DPYD: variants seen among roughly 807,000 people sequenced by gnomAD.
The protein encoded by DPYD is dihydropyrimidine dehydrogenase [NADP(+)].
A neutral mutation model predicts 116.2 loss-of-function variants in DPYD; 109 were observed. The ratio of observed to expected loss-of-function variants is 0.94; its 90% CI spans 0.80 to 1.10. The LOEUF is 1.10. Ranked by LOEUF, DPYD falls within the 50% of genes least tolerant of loss-of-function variation. The pLI is 0.00. For synonymous variants in DPYD, 440 were observed against 432.0 expected, an observed-to-expected ratio of 1.02 and a Z score of -0.23; for missense variants, 1,302 against 1,254.5, an observed-to-expected ratio of 1.04 and a Z score of -0.57.
At chr1:97,392,933 G>T (rs1373626989) in intron 14 of DPYD, among the ~76,000 whole-genome samples, 1 of 151,908 alleles carries the variant, frequency 6.6e-6, no homozygotes, top group African/African-American at 2.4e-5. Flanking sequence ...TTCCTCTCAT[G>T]ATTCACAAAT....
At chr1:97,532,613 G>A (rs1250242357) in intron 12 of DPYD, among the ~76,000 whole-genome samples, 1 of 151,932 alleles carries the variant, frequency 6.6e-6, no homozygotes, top group African/African-American at 2.4e-5. Context: ...TTTATAGGTT[G>A]TATGTTTTTA....
chr1:97,496,590 T>C (rs1416547516), intron 13 of DPYD, among the ~76,000 whole-genome samples: 1 of 152,054 alleles, frequency 6.6e-6, no homozygotes, highest in Non-Finnish European at 1.5e-5. Context: ...AACACCCATT[T>C]TTACGGGGCT....
chr1:97,899,862 A>T (rs551728317), intron 1 of DPYD, among the ~76,000 whole-genome samples: 4 of 151,658 alleles, frequency 2.6e-5, no homozygotes, highest in African/African-American at 9.7e-5. Context: ...AATATCTCAG[A>T]TTTCCCTACA....
intron 3 of DPYD, among the ~76,000 whole-genome samples, chr1:97,756,189 T>A (rs1665222368): frequency 6.6e-6 from 1 of 152,162 alleles, no homozygotes; most frequent in African/African-American, 2.4e-5. Context: ...AAAGAGATCA[T>A]AATAAAATTG....
intron 2 of DPYD, among the ~76,000 whole-genome samples, chr1:97,848,199 G>A (rs1049448302): frequency 1.3e-5 from 2 of 152,138 alleles, no homozygotes; most frequent in Non-Finnish European, 2.9e-5. Flanking sequence ...CCGGGTTCAT[G>A]CCATTCTCCT....
Position 97,123,240 on chromosome 1 carries a change from T to C in DPYD, c.2623-24608A>G, listed in dbSNP as rs558147611. On this transcript the variant is annotated intron_variant, in intron 20 of 22. Transcript: ENST00000370192. ...TTACATAGAAGAAACATATTTACTC[T>C]ATATGTCGGTCAGTACTAAGATATA... 4.3e-4 allele frequency among the ~76,000 whole-genome samples: 65 copies of C among 152,260 alleles called. 1 individual carries two copies. The highest frequency in any genetic ancestry group is 1.4e-3 in the African/African-American group (58 of 41,572).
intron 20 of DPYD, among the ~76,000 whole-genome samples, chr1:97,145,851 C>T (rs1158953590): frequency 6.6e-6 from 1 of 150,656 alleles, no homozygotes; most frequent in Non-Finnish European, 1.5e-5. Context: ...AGTGAATACA[C>T]AGGCCCTGCT....
At chr1:97,626,548 G>A (rs1656941349) in intron 8 of DPYD, among the ~76,000 whole-genome samples, 1 of 151,992 alleles carries the variant, frequency 6.6e-6, no homozygotes, top group South Asian at 2.1e-4. Flanking sequence ...TTCACATTTT[G>A]CCTCAAGTTT....
At chr1:97,352,939 A>G (rs999111384) in intron 16 of DPYD, among the ~76,000 whole-genome samples, 8 of 152,194 alleles carry the variant, frequency 5.3e-5, no homozygotes, top group African/African-American at 1.9e-4. Context: ...AAAGGAGAAC[A>G]AGGCTCAGAA....
At chr1:97,657,624 C>A (rs866078860) in intron 8 of DPYD, among the ~76,000 whole-genome samples, 4 of 152,224 alleles carry the variant, frequency 2.6e-5, no homozygotes, top group Middle Eastern at 3.4e-3. Flanking sequence ...AAATGAACAA[C>A]CATCCATCTT....
At chr1:97,528,703 T>C (rs1416566218) in intron 12 of DPYD, among the ~76,000 whole-genome samples, 1 of 152,152 alleles carries the variant, frequency 6.6e-6, no homozygotes, top group Non-Finnish European at 1.5e-5. Context: ...TTGATATTTC[T>C]TCTCTCTCAA....
chr1:97,300,102 C>T (rs1666771006), intron 18 of DPYD, among the ~76,000 whole-genome samples: 1 of 152,008 alleles, frequency 6.6e-6, no homozygotes, highest in African/African-American at 2.4e-5. Context: ...ATAACAAGTT[C>T]TTTAATAGTT....
intron 18 of DPYD, among the ~76,000 whole-genome samples, chr1:97,240,197 A>C (rs528695410): frequency 1.3e-5 from 2 of 152,006 alleles, no homozygotes; most frequent in South Asian, 4.2e-4. Context: ...CTTTGACCCC[A>C]AAGGAAAAAA....
intron 18 of DPYD, among the ~76,000 whole-genome samples, chr1:97,279,502 T>C (rs891072391): frequency 6.6e-6 from 1 of 151,524 alleles, no homozygotes; most frequent in African/African-American, 2.4e-5. Context: ...GATTTGTTTG[T>C]TTGTTTGTTT....
At chr1:97,637,061 T>C (rs1201431424) in intron 8 of DPYD, among the ~76,000 whole-genome samples, 1 of 152,140 alleles carries the variant, frequency 6.6e-6, no homozygotes, top group Non-Finnish European at 1.5e-5. Context: ...CCAATTTGAC[T>C]AAAAGCAGAA....
chr1:97,417,608 T>C (rs1449844402), intron 14 of DPYD, among the ~76,000 whole-genome samples: 1 of 152,222 alleles, frequency 6.6e-6, no homozygotes, highest in East Asian at 1.9e-4. Flanking sequence ...AATAGCCATA[T>C]TGTGTTGCCT....
intron 13 of DPYD, among the ~76,000 whole-genome samples, chr1:97,480,700 G>A (rs1435018932): frequency 6.6e-6 from 1 of 152,144 alleles, no homozygotes; most frequent in African/African-American, 2.4e-5. Context: ...TTATAAAAAG[G>A]CTGGGCACGG....
intron 12 of DPYD, among the ~76,000 whole-genome samples, chr1:97,547,858 C>T (rs1651022083): frequency 6.6e-6 from 1 of 151,992 alleles, no homozygotes; most frequent in African/African-American, 2.4e-5. Flanking sequence ...CACGGTTTGG[C>T]CCAACAACTC....
intron 4 of DPYD, among the ~76,000 whole-genome samples, chr1:97,735,141 G>T (rs570863141): frequency 6.6e-6 from 1 of 152,118 alleles, no homozygotes; most frequent in East Asian, 1.9e-4. Context: ...CTGCCTGAGG[G>T]AAGCAAATAT....
Sources: allele counts gnomAD v4.1 joint callset (sites outside exome capture counted in the v4.1 genomes callset), GRCh38; gene constraint gnomAD v4.1.1; transcripts MANE v1.5; gene names NCBI Gene and HGNC (gene_info 2026-07-23, HGNC 2026-07-21).